GSE1: variants seen among roughly 807,000 people sequenced by gnomAD.
The protein encoded by GSE1 is Gse1 coiled-coil protein.
In GSE1, 32 loss-of-function variants were observed where a neutral mutation model predicts 112.6. The observed-to-expected ratio is 0.28, with a 90% CI of 0.21 to 0.38. The LOEUF is 0.38. Among genes scored for constraint, GSE1 ranks in the 10% least tolerant of loss-of-function variants. GSE1 has a pLI of 1.00. For missense variants in GSE1, 2,348 were observed against 1,699.2 expected, an observed-to-expected ratio of 1.38 and a Z score of -6.71; for synonymous variants, 1,115 against 735.6, an observed-to-expected ratio of 1.52 and a Z score of -8.35.
intron 13 of GSE1, among the ~76,000 whole-genome samples, chr16:85,667,915 A>C (rs1254616027): frequency 1.3e-5 from 2 of 150,988 alleles, no homozygotes; most frequent in African/African-American, 2.4e-5. Context: ...ACGTACCAGA[A>C]TCAACTAGCA....
chr16:85,484,137 C>T (rs1597908217), intron 2 of GSE1, among the ~76,000 whole-genome samples: 1 of 152,212 alleles, frequency 6.6e-6, no homozygotes, highest in African/African-American at 2.4e-5. Flanking sequence ...CAGGAATATG[C>T]CCCTTCATAG....
chr16:85,239,830 C>T (rs1315338373), intron 1 of GSE1, among the ~76,000 whole-genome samples: 1 of 152,224 alleles, frequency 6.6e-6, no homozygotes, highest in Non-Finnish European at 1.5e-5. Flanking sequence ...ATCCTGAAAT[C>T]CGATACTGAA....
intron 1 of GSE1, among the ~76,000 whole-genome samples, chr16:85,290,706 C>T (rs920993459): frequency 6.6e-6 from 1 of 152,178 alleles, no homozygotes; most frequent in Non-Finnish European, 1.5e-5. Context: ...CCTTTGTTGT[C>T]ACCGAGACAC....
intron 1 of GSE1, among the ~76,000 whole-genome samples, chr16:85,352,430 T>C (rs2046869236): frequency 6.6e-6 from 1 of 152,188 alleles, no homozygotes; most frequent in African/African-American, 2.4e-5. Flanking sequence ...CCAGTCTGCT[T>C]GAGCCCCTTG....
intron 1 of GSE1, among the ~76,000 whole-genome samples, chr16:85,300,303 C>T (rs1017657584): frequency 1.3e-5 from 2 of 152,322 alleles, no homozygotes; most frequent in South Asian, 2.1e-4. Flanking sequence ...TGAGCCACTG[C>T]GCCCAGCCCA....
At chr16:85,353,444 C>T (rs994817459) in intron 1 of GSE1, among the ~76,000 whole-genome samples, 3 of 80,560 alleles carry the variant, frequency 3.7e-5, no homozygotes, top group Non-Finnish European at 5.4e-5. Flanking sequence ...TGCGAAGCAA[C>T]TGCATCATTT....
At chr16:85,650,873 C>A (rs376819049) in intron 3 of GSE1, among the ~76,000 whole-genome samples, 1 of 151,956 alleles carries the variant, frequency 6.6e-6, no homozygotes. Flanking sequence ...GGAGGCTTCT[C>A]GGCCCCTTCT....
intron 2 of GSE1, among the ~76,000 whole-genome samples, chr16:85,453,023 C>A (rs1278208215): frequency 6.6e-6 from 1 of 152,232 alleles, no homozygotes; most frequent in Admixed American, 6.5e-5. Flanking sequence ...GTCCCCGACG[C>A]TGCCGGTCCA....
At chr16:85,188,147 G>A (rs552444041) in intron 1 of GSE1, among the ~76,000 whole-genome samples, 2 of 152,310 alleles carry the variant, frequency 1.3e-5, no homozygotes, top group East Asian at 1.9e-4. Flanking sequence ...TGGGATCCAG[G>A]CTCCCTCAAC....
chr16:85,617,602 C>A (rs1424991225), intron 1 of GSE1, among the ~76,000 whole-genome samples: 4 of 97,228 alleles, frequency 4.1e-5, no homozygotes, highest in Non-Finnish European at 7.9e-5. Flanking sequence ...ACCCTCCCCC[C>A]CCCCCCCCCG....
Position 85,648,674 on chromosome 16 carries a change from G to A in GSE1, c.349G>A (p.Val117Met), listed in dbSNP as rs769272935. Residue 117 changes from valine to methionine, a missense_variant, in exon 3 of 16, where the codon GTG (valine) becomes ATG (methionine). Physicochemically the swap from Val to Met is conservative, Grantham distance 21. Transcript: ENST00000253458. ...CATCGTCCCCCCTGGGGGCCACAGC[G>A]TGCCCAGCACCCCCCCCGTGGTGAC... ...PIIVPPGGHSVPSTPPVVTIA... is the reference protein window; with the variant it reads ...PIIVPPGGHSMPSTPPVVTIA... 22 of 1,605,276 alleles carry A rather than the reference G, an allele frequency of 1.4e-5. No homozygotes were observed. The African/African-American group carries it at 1.6e-4, about 12-fold the overall frequency.
At chr16:85,411,301 A>T (rs865980367) in intron 2 of GSE1, among the ~76,000 whole-genome samples, 1 of 10,198 alleles carries the variant, frequency 9.8e-5, no homozygotes, top group Non-Finnish European at 2.4e-4. Context: ...TCACTGTTAC[A>T]CTCAGGCCCC....
chr16:85,577,455 G>A (rs1386583232), intron 1 of GSE1, among the ~76,000 whole-genome samples: 1 of 152,162 alleles, frequency 6.6e-6, no homozygotes, highest in Non-Finnish European at 1.5e-5. Flanking sequence ...AGCAGCTGGA[G>A]GACATCCAAA....
At chr16:85,255,905 C>T (rs1365413836) in intron 1 of GSE1, among the ~76,000 whole-genome samples, 1 of 150,884 alleles carries the variant, frequency 6.6e-6, no homozygotes, top group African/African-American at 2.4e-5. Context: ...CCAGGCTGGT[C>T]TCAAACTCCT....
chr16:85,594,236 G>GC (rs2047123311), intron 1 of GSE1: 1 of 132,182 alleles, frequency 7.6e-6, no homozygotes, highest in African/African-American at 2.7e-5. Flanking sequence ...GGGGGGTTGG[G>GC]GGGGGGGGGC....
At chr16:85,195,567 C>T (rs1567603411) in intron 1 of GSE1, among the ~76,000 whole-genome samples, 1 of 152,190 alleles carries the variant, frequency 6.6e-6, no homozygotes, top group East Asian at 1.9e-4. Context: ...GTCAAATCCG[C>T]CTTCTTCTGC....
upstream of GSE1, among the ~76,000 whole-genome samples, chr16:85,608,860 C>G (rs2047835629): frequency 6.6e-6 from 1 of 152,234 alleles, no homozygotes; most frequent in Admixed American, 6.5e-5. Context: ...AGGCGCTGAA[C>G]AAGGTGCCCA....
rs1390895016 is a variant in GSE1 at position 85,648,562 on chromosome 16, G to A, written c.237G>A (p.Leu79=). ...TCTTCTCCTCCACAGGGTCCTCACT[G>A]AGCAGCGAGTCGTCCCCCGTGTCCT... ...KQAEEPRGSS[L]SSESSPVSSP... The change falls in exon 3 of 16, where the codon CTG becomes CTA. Residue 79 remains leucine (L), a synonymous_variant. Transcript: ENST00000253458. The A allele has an allele frequency of 2.6e-6, 4 of 1,561,934 alleles. No homozygotes were observed. Among genetic ancestry groups the A allele is most frequent in the Non-Finnish European group, 3.5e-6 (4 of 1,152,754 alleles).
At chr16:85,480,142 G>A (rs538530868) in intron 2 of GSE1, among the ~76,000 whole-genome samples, 19 of 152,338 alleles carry the variant, frequency 1.2e-4, no homozygotes, top group African/African-American at 2.2e-4. Flanking sequence ...ACTGAGGCAC[G>A]GAGAGGTGAA....
Sources: gnomAD v4.1 joint callset for allele counts (sites outside exome capture counted in the v4.1 genomes callset) on GRCh38, gnomAD v4.1.1 for gene constraint, MANE v1.5 for transcripts, NCBI Gene and HGNC (gene_info 2026-07-23, HGNC 2026-07-21) for gene names.